ZBTB16: variants seen among roughly 807,000 people sequenced by gnomAD.
ZBTB16 encodes the protein zinc finger and BTB domain containing 16.
In ZBTB16, 8 loss-of-function variants were observed where a neutral mutation model predicts 56.8. That is an observed-to-expected ratio of 0.14 (90% CI 0.08 to 0.25). The LOEUF is 0.25. Ranked by LOEUF, ZBTB16 falls within the 10% of genes least tolerant of loss-of-function variation. ZBTB16 has a pLI of 1.00. For missense variants in ZBTB16, 625 were observed against 903.0 expected (o/e 0.69, Z 3.95); for synonymous variants, 363 against 368.5 (o/e 0.98, Z 0.17).
chr11:114,246,098 A>T (rs1336991414), intron 5 of ZBTB16, among the ~76,000 whole-genome samples: 1 of 152,130 alleles, frequency 6.6e-6, no homozygotes, highest in Non-Finnish European at 1.5e-5. Flanking sequence ...TAAGAGTGGG[A>T]TCCTCAAAAA....
intron 3 of ZBTB16, among the ~76,000 whole-genome samples, chr11:114,157,427 G>A (rs1028366005): frequency 1.3e-5 from 2 of 152,196 alleles, no homozygotes; most frequent in African/African-American, 2.4e-5. Context: ...CAGAATATAC[G>A]TTGAAGGCAT....
chr11:114,228,946 C>T (rs1223189919), intron 4 of ZBTB16, among the ~76,000 whole-genome samples: 1 of 152,190 alleles, frequency 6.6e-6, no homozygotes, highest in Non-Finnish European at 1.5e-5. Context: ...CCCTGGCGCC[C>T]CATCCCCCAT....
intron 2 of ZBTB16, among the ~76,000 whole-genome samples, chr11:114,098,626 G>A (rs911055154): frequency 1.4e-4 from 21 of 151,554 alleles, no homozygotes; most frequent in South Asian, 4.2e-4. Flanking sequence ...TAACCTCCTC[G>A]TCCTCTTTAT....
intron 2 of ZBTB16, among the ~76,000 whole-genome samples, chr11:114,112,891 G>T (rs1465309957): frequency 6.6e-6 from 1 of 151,134 alleles, no homozygotes; most frequent in Non-Finnish European, 1.5e-5. Flanking sequence ...AGTTTCCCAA[G>T]TAGCTGTGAC....
At chr11:114,166,354 A>AT (rs1014414191) in intron 3 of ZBTB16, among the ~76,000 whole-genome samples, 4 of 151,774 alleles carry the variant, frequency 2.6e-5, no homozygotes, top group Non-Finnish European at 5.9e-5. Flanking sequence ...GTTGGTGAAG[A>AT]TTGCAGGATT....
intron 2 of ZBTB16, among the ~76,000 whole-genome samples, chr11:114,101,056 A>C (rs1321039885): frequency 1.3e-5 from 2 of 152,114 alleles, no homozygotes; most frequent in Non-Finnish European, 2.9e-5. Context: ...GCTGGAGTGC[A>C]GTGGCATAAT....
In ZBTB16 at chr11:114,163,415, G is replaced by GT. The variant is rs1035614170; in HGVS notation, c.1366+6989dup. ...TGGTTTTGTTGTGTGGGTTGTTTTT[G>GT]TTTTTTTTGGTTTTTGTTTTTTGGC... On this transcript the variant is annotated intron_variant, in intron 3 of 6. Transcript: ENST00000335953. Among the ~76,000 whole-genome samples, 8 of 148,666 alleles carry GT rather than the reference G, an allele frequency of 5.4e-5. No individual in the cohort carries two copies. The South Asian group carries it at 6.3e-4, about 12-fold the overall frequency.
rs1449841773 is a variant in ZBTB16 at position 114,060,446 on chromosome 11, G to C, written c.-91+564G>C. On this transcript the variant is annotated intron_variant, in intron 1 of 6. Coordinates refer to ENST00000335953, the MANE Select transcript of ZBTB16 (RefSeq NM_006006.6). This position sits in a 1 kb window ranked among gnomAD's most constrained non-coding sequence, Gnocchi z 6.0. Reference sequence around the variant, plus strand: ...GAGAAAACGTGGTGGGCTTTTTCTTGATTGGACTTGATCCCCACCCCCCTT... The same window carrying C: ...GAGAAAACGTGGTGGGCTTTTTCTTCATTGGACTTGATCCCCACCCCCCTT... 6.6e-6 allele frequency: 1 copy of C among 152,170 alleles called. No homozygotes were observed. The highest frequency in any genetic ancestry group is 2.4e-5 in the African/African-American group (1 of 41,404). 9.4% of individuals were successfully genotyped at this position (152,170 alleles called of 1,614,324 possible).
intron 4 of ZBTB16, among the ~76,000 whole-genome samples, chr11:114,234,861 C>T (rs1944530588): frequency 6.6e-6 from 1 of 152,162 alleles, no homozygotes; most frequent in South Asian, 2.1e-4. Flanking sequence ...AGCCCTGCTA[C>T]CTTTTTCAGC....
At chr11:114,165,909 C>T (rs78903564) in intron 3 of ZBTB16, among the ~76,000 whole-genome samples, 6,761 of 152,220 alleles carry the variant, frequency 0.044, 439 homozygotes, top group African/African-American at 0.15. Flanking sequence ...AAGCCTTTGG[C>T]AAATGGCTGC....
chr11:114,244,996 G>A (rs1382796321), intron 5 of ZBTB16, among the ~76,000 whole-genome samples: 8 of 152,212 alleles, frequency 5.3e-5, no homozygotes, highest in Non-Finnish European at 2.9e-5. Flanking sequence ...GATTAAAGTC[G>A]TAATCGTTGC....
At chr11:114,111,621 C>T (rs1351706030) in intron 2 of ZBTB16, among the ~76,000 whole-genome samples, 2 of 152,218 alleles carry the variant, frequency 1.3e-5, no homozygotes, top group African/African-American at 4.8e-5. Context: ...CCAAGGCAAA[C>T]ATTATGAATG....
intron 1 of ZBTB16, among the ~76,000 whole-genome samples, chr11:114,062,866 T>A (rs1219215445): frequency 6.6e-6 from 1 of 152,224 alleles, no homozygotes; most frequent in East Asian, 1.9e-4. Flanking sequence ...AATGTTGGCC[T>A]TGCCTAGGGA....
intron 4 of ZBTB16, among the ~76,000 whole-genome samples, chr11:114,240,236 G>C (rs1482377396): frequency 6.6e-6 from 1 of 152,210 alleles, no homozygotes; most frequent in Non-Finnish European, 1.5e-5. Flanking sequence ...GGGGGACAGT[G>C]AGAGGTGGGC....
intron 2 of ZBTB16, among the ~76,000 whole-genome samples, chr11:114,106,629 C>G (rs1940800294): frequency 1.3e-5 from 2 of 151,940 alleles, no homozygotes; most frequent in African/African-American, 4.8e-5. Flanking sequence ...CACCACCATG[C>G]CTGGCTAATT....
intron 3 of ZBTB16, among the ~76,000 whole-genome samples, chr11:114,182,526 T>G (rs1386626236): frequency 6.6e-6 from 1 of 152,118 alleles, no homozygotes; most frequent in Non-Finnish European, 1.5e-5. Context: ...TACTGGACAT[T>G]CAAAAACCAG....
intron 2 of ZBTB16, among the ~76,000 whole-genome samples, chr11:114,100,741 C>T (rs957794394): frequency 2.0e-5 from 3 of 152,146 alleles, no homozygotes; most frequent in East Asian, 1.9e-4. Flanking sequence ...CGGCACATTT[C>T]GCTTTGTGGA....
chr11:114,190,007 G>T (rs1407012243), intron 4 of ZBTB16, among the ~76,000 whole-genome samples: 1 of 152,214 alleles, frequency 6.6e-6, no homozygotes, highest in Non-Finnish European at 1.5e-5. Flanking sequence ...AAAAAGGAAT[G>T]AAGTACTGAT....
Position 114,256,017 on chromosome 11 carries a change from GTTTTGTTTTTTTT to G in ZBTB16, c.*5476_*5488del, listed in dbSNP as rs1363435721. 1.5e-5 allele frequency among the ~76,000 whole-genome samples: 1 copy of G among 66,316 alleles called. No individual in the cohort carries two copies. Among genetic ancestry groups the G allele is most frequent in the Non-Finnish European group, 3.1e-5 (1 of 32,684 alleles). The allele number at this position is 66,316 out of a possible 152,430, so 43.5% of individuals were successfully genotyped here. On this transcript the variant is annotated 3_prime_UTR_variant, in exon 7 of 7. Transcript: ENST00000335953. ...CCTTTTTATTGAAGTACTTGGTTTT[GTTTTGTTTTTTTT>G]TTTTGTTTTTTTTGCCTTTTCTTGT...
Sources: allele counts gnomAD v4.1 joint callset (sites outside exome capture counted in the v4.1 genomes callset), GRCh38; gene constraint gnomAD v4.1.1; non-coding constraint Gnocchi (gnomAD v3.1); transcripts MANE v1.5; gene names NCBI Gene and HGNC (gene_info 2026-07-23, HGNC 2026-07-21).